The following DOCK5 variants were observed in gnomAD, a reference collection of about 807,000 sequenced individuals.
The protein encoded by DOCK5 is dedicator of cytokinesis 5.
A neutral mutation model predicts 251.8 loss-of-function variants in DOCK5; 142 were observed. The ratio of observed to expected loss-of-function variants is 0.56; its 90% CI spans 0.49 to 0.65. DOCK5 has a LOEUF of 0.65. DOCK5 is among the 30% of genes least tolerant of loss of function. The pLI is 0.00. For missense variants in DOCK5, 2,111 were observed against 2,312.3 expected (o/e 0.91, Z 1.79); for synonymous variants, 842 against 835.5 (o/e 1.01, Z -0.13).
Position 25,380,245 on chromosome 8 carries a change from G to C in DOCK5, c.3937-60G>C, listed in dbSNP as rs183698747. The C allele has an allele frequency of 1.9e-4, 289 of 1,494,384 alleles. 2 individuals are homozygous for C. In the East Asian group the frequency reaches 5.1e-3, roughly 26 times the overall value. The allele number at this position is 1,494,384 out of a possible 1,614,324, so 92.6% of individuals were successfully genotyped here. On this transcript the variant is annotated intron_variant, in intron 38 of 51. Transcript: ENST00000276440. Reference sequence around the variant, plus strand: ...TCCCAGTGACTCGCCAGTGGCTTTTGCCACTGAATCAATGACTGCCTTGTT... The same window carrying C: ...TCCCAGTGACTCGCCAGTGGCTTTTCCCACTGAATCAATGACTGCCTTGTT...
chr8:25,349,042 A>G (rs1247583613), intron 26 of DOCK5, among the ~76,000 whole-genome samples: 1 of 152,168 alleles, frequency 6.6e-6, no homozygotes, highest in East Asian at 1.9e-4. Context: ...TTTATGAATC[A>G]CTTTCATTCA....
chr8:25,358,223 G>A (rs1486778753), intron 27 of DOCK5, among the ~76,000 whole-genome samples: 1 of 152,184 alleles, frequency 6.6e-6, no homozygotes, highest in Non-Finnish European at 1.5e-5. Flanking sequence ...GGAGGCCTCA[G>A]GAAACCTACA....
chr8:25,388,872 T>C, intron 40 of DOCK5: 2 of 534,712 alleles, frequency 3.7e-6, no homozygotes, highest in South Asian at 4.6e-5. Context: ...AGAACTGGGC[T>C]AAGTATTTTT....
In DOCK5 at chr8:25,353,952, G is replaced by A. The variant is rs1800516129; in HGVS notation, c.2850+2126G>A. Among the ~76,000 whole-genome samples, 4 of 143,204 alleles carry A rather than the reference G, an allele frequency of 2.8e-5. No homozygotes were observed. In the Admixed American group the frequency reaches 3.0e-4, roughly 11 times the overall value. 93.9% of individuals were successfully genotyped at this position (143,204 alleles called of 152,430 possible). A position where few individuals can be genotyped will look rare whatever the true frequency, so the allele number is the denominator to read the frequency against. ...TAGGAGAATTGTTTAAACCCAAGAG[G>A]TGGAGGTTGAGGTTGCAATGAGCCA... On this transcript the variant is annotated intron_variant, in intron 27 of 51. Transcript: ENST00000276440.
At chr8:25,200,560 A>G (rs1801856680) in intron 1 of DOCK5, among the ~76,000 whole-genome samples, 1 of 152,228 alleles carries the variant, frequency 6.6e-6, no homozygotes. Flanking sequence ...AAAATGTATC[A>G]GGACCCCTAC....
chr8:25,312,738 G>A (rs1295589608), intron 13 of DOCK5, among the ~76,000 whole-genome samples: 1 of 136,042 alleles, frequency 7.4e-6, no homozygotes, highest in Admixed American at 8.4e-5. Flanking sequence ...GCTCCAGCAT[G>A]GCGACAGAAC....
At chr8:25,406,828 G>T (rs146363700) in intron 48 of DOCK5, among the ~76,000 whole-genome samples, 1 of 151,790 alleles carries the variant, frequency 6.6e-6, no homozygotes, top group Non-Finnish European at 1.5e-5. Context: ...AGGTTTCACC[G>T]TATTGGCCAG....
intron 2 of DOCK5, among the ~76,000 whole-genome samples, chr8:25,262,845 A>G (rs1379550665): frequency 1.3e-5 from 2 of 150,132 alleles, no homozygotes; most frequent in African/African-American, 4.9e-5. Context: ...TTTGAGACCG[A>G]GTCTGGCTCT....
intron 42 of DOCK5, among the ~76,000 whole-genome samples, chr8:25,390,918 C>T (rs2117318689): frequency 6.6e-6 from 1 of 152,180 alleles, no homozygotes; most frequent in African/African-American, 2.4e-5. Context: ...AAGCAATTCT[C>T]CTGCCTCAGC....
intron 20 of DOCK5, 68 bp downstream of exon 20, chr8:25,332,760 A>G: frequency 8.5e-7 from 1 of 1,181,860 alleles, no homozygotes; most frequent in Non-Finnish European, 1.2e-6. Context: ...TTTCACTATT[A>G]TAAGTGATTG....
At chr8:25,304,183 T>A in intron 10 of DOCK5, 72 bp from the exon 11 acceptor site, 2 of 1,296,830 alleles carry the variant, frequency 1.5e-6, no homozygotes, top group Non-Finnish European at 2.1e-6. Flanking sequence ...TTGCTGATAC[T>A]GTCCTTTTCC....
chr8:25,373,473 T>C (rs1470192975), intron 35 of DOCK5, 145 bp from the exon 36 acceptor site: 1 of 778,558 alleles, frequency 1.3e-6, no homozygotes, highest in Non-Finnish European at 2.1e-6. Flanking sequence ...TATCCCCTTT[T>C]CTTATGGGGA....
chr8:25,352,687 C>T (rs968002520), intron 27 of DOCK5, among the ~76,000 whole-genome samples: 2 of 152,244 alleles, frequency 1.3e-5, no homozygotes, highest in African/African-American at 4.8e-5. Flanking sequence ...TGCCATAAAA[C>T]AGGCACTGCT....
intron 2 of DOCK5, among the ~76,000 whole-genome samples, chr8:25,262,110 G>A (rs1018373748): frequency 3.9e-5 from 6 of 152,148 alleles, no homozygotes; most frequent in Non-Finnish European, 8.8e-5. Context: ...AAGCACTGGA[G>A]TGAGGATGTG....
At chr8:25,271,051 T>A in intron 3 of DOCK5, 1 of 430,418 alleles carries the variant, frequency 2.3e-6, no homozygotes, top group South Asian at 6.7e-5. Flanking sequence ...GTTGAACCCA[T>A]GATATGGAGG....
At chr8:25,345,360 G>T (rs1268227622) in intron 25 of DOCK5, 115 bp from the exon 26 acceptor site, 2 of 1,461,646 alleles carry the variant, frequency 1.4e-6, no homozygotes, top group Admixed American at 3.7e-5. Flanking sequence ...TCCCTGCAGG[G>T]CTGATTGCAG....
At position 25,332,321 on chromosome 8, in the gene DOCK5, G is replaced by A. The variant is rs768393924; in HGVS notation, c.1974G>A (p.Met658Ile). ...QNIKHNLKKLMEVDGGEIVKF... is the reference protein window; with the variant it reads ...QNIKHNLKKLIEVDGGEIVKF... Reference sequence around the variant, plus strand: ...TTAAACACAACCTAAAGAAGTTAATGGAAGTGGATGGAGGAGAGATTGTTA... The same window carrying A: ...TTAAACACAACCTAAAGAAGTTAATAGAAGTGGATGGAGGAGAGATTGTTA... Residue 658 changes from methionine (M) to isoleucine (I), a missense_variant, in exon 19 of 52, where the codon ATG (methionine) becomes ATA (isoleucine). Met to Ile is a conservative substitution (Grantham distance 10, BLOSUM62 1). Around this residue, in one of 3 missense-constraint regions of DOCK5, gnomAD observed 1,717 missense variants for 1,892.4 expected, o/e 0.91. Transcript: ENST00000276440. 3 of 1,613,490 alleles carry A rather than the reference G, an allele frequency of 1.9e-6. No homozygotes were observed. The highest frequency in any genetic ancestry group is 2.7e-5 in the African/African-American group (2 of 75,002).
rs377177477 is a variant in DOCK5, at chr8:25,388,992, G to A, written c.4132-99G>A. On this transcript the variant is annotated intron_variant, in intron 40 of 51. Transcript: ENST00000276440. ...GAGAACTTGATGGTGGGGATTGAACGTTGGCTGGGGAGTGCAGTGGCTACC... is the reference window on the plus strand; with the variant it reads ...GAGAACTTGATGGTGGGGATTGAACATTGGCTGGGGAGTGCAGTGGCTACC... The A allele has an allele frequency of 4.5e-5, 51 of 1,145,902 alleles. No homozygotes were observed. In the South Asian group the frequency reaches 6.5e-4, roughly 15 times the overall value. The allele number at this position is 1,145,902 out of a possible 1,614,324, so 71.0% of individuals were successfully genotyped here.
Position 25,403,666 on chromosome 8 carries a change from G to A in DOCK5, c.5035G>A (p.Val1679Met). Residue 1679 changes from valine (V) to methionine (M), a missense_variant, in exon 48 of 52, where the codon GTG (valine) becomes ATG (methionine). Val to Met is a conservative substitution (Grantham distance 21, BLOSUM62 1). Transcript: ENST00000276440. ...GTCCATCACCTCAGTCACTTCCTCT[G>A]TGGTTTCCACCTCTTCAAACTCGTC... is the stretch of plus-strand genomic sequence containing the variant. ...RLSITSVTSS[V>M]VSTSSNSSDN... 2 of 1,613,936 alleles carry A rather than the reference G, an allele frequency of 1.2e-6. No homozygotes were observed. Among genetic ancestry groups the A allele is most frequent in the African/African-American group, 1.3e-5 (1 of 75,024 alleles).
Sources: allele counts gnomAD v4.1 joint callset (sites outside exome capture counted in the v4.1 genomes callset), GRCh38; gene constraint gnomAD v4.1.1; regional missense constraint gnomAD v4.1.1; transcripts MANE v1.5; gene names NCBI Gene and HGNC (gene_info 2026-07-23, HGNC 2026-07-21).